The following NFIA variants were observed in gnomAD, a reference collection of about 807,000 sequenced individuals.
NFIA encodes nuclear factor 1 A-type.
A neutral mutation model predicts 62.8 loss-of-function variants in NFIA; 8 were observed. The observed-to-expected ratio is 0.13, with a 90% confidence interval of 0.07 to 0.23. The LOEUF (loss-of-function observed/expected upper bound fraction) is 0.23. NFIA is among the 10% of genes least tolerant of loss of function. The pLI is 1.00. For synonymous variants in NFIA, 235 were observed against 238.1 expected (o/e 0.99, Z 0.12); for missense variants, 410 against 642.1 (o/e 0.64, Z 3.91).
chr1:61,210,980 C>T (rs548559749), intron 2 of NFIA, among the ~76,000 whole-genome samples: 2 of 152,328 alleles, frequency 1.3e-5, no homozygotes, highest in East Asian at 1.9e-4. Context: ...CATCATTTCA[C>T]ATTTTTCATG....
At chr1:61,286,445 T>A (rs12742161) in intron 3 of NFIA, among the ~76,000 whole-genome samples, 30,483 of 135,672 alleles carry the variant, frequency 0.22, 3,537 homozygotes, top group Middle Eastern at 0.31. Flanking sequence ...AAAAAAAAAA[T>A]AGAATTGCTG....
At chr1:61,343,527 C>A (rs192016040) in intron 4 of NFIA, among the ~76,000 whole-genome samples, 45 of 152,260 alleles carry the variant, frequency 3.0e-4, no homozygotes, top group Admixed American at 1.4e-3. Flanking sequence ...GCTTTTGTCA[C>A]CTAATAGTAC....
At chr1:61,317,017 A>G (rs1444593068) in intron 3 of NFIA, among the ~76,000 whole-genome samples, 6 of 152,194 alleles carry the variant, frequency 3.9e-5, no homozygotes, top group African/African-American at 1.4e-4. Context: ...GTACTTTCAC[A>G]TCTAAAAAAA....
intron 6 of NFIA, among the ~76,000 whole-genome samples, chr1:61,378,389 G>GT (rs1405303800): frequency 6.6e-6 from 1 of 152,078 alleles, no homozygotes; most frequent in African/African-American, 2.4e-5. Flanking sequence ...ACGTCTTACC[G>GT]TTTTCTCTAG....
In NFIA at chr1:61,385,379, A is replaced by C. The variant is rs540893300; in HGVS notation, c.1075+2014A>C. Among the ~76,000 whole-genome samples, 3 of 152,354 alleles carry C rather than the reference A, an allele frequency of 2.0e-5. No homozygotes were observed. The South Asian group carries it at 6.2e-4, about 32-fold the overall frequency. ...GAACTGAGAAGAACAGTATGCCAGCAATCAGGAGAGCTGGGTAGGCTCCCT... is the reference window on the plus strand; with the variant it reads ...GAACTGAGAAGAACAGTATGCCAGCCATCAGGAGAGCTGGGTAGGCTCCCT... On this transcript the variant is annotated intron_variant, in intron 7 of 10. Coordinates refer to ENST00000403491, the MANE Select transcript of NFIA (RefSeq NM_001134673.4).
rs1004785979 is a variant in NFIA at position 61,082,776 on chromosome 1, C to T, written c.-16C>T. The T allele has an allele frequency of 2.6e-6, 4 of 1,553,022 alleles. No homozygotes were observed. Among genetic ancestry groups the T allele is most frequent in the Non-Finnish European group, 3.5e-6 (4 of 1,147,774 alleles). ...GCACACCCAGACGCACACGCATACC[C>T]CAGCGCCCGGCAGTTATGTATTCTC... On this transcript the variant is annotated 5_prime_UTR_variant, in exon 1 of 11. Coordinates refer to ENST00000403491, the MANE Select transcript of NFIA (RefSeq NM_001134673.4).
intron 4 of NFIA, among the ~76,000 whole-genome samples, chr1:61,332,944 A>G (rs530125193): frequency 6.6e-6 from 1 of 152,202 alleles, no homozygotes; most frequent in African/African-American, 2.4e-5. Context: ...GTTTGTCAAT[A>G]ATCACTAACA....
chr1:61,105,512 C>T (rs1305567443), intron 2 of NFIA, among the ~76,000 whole-genome samples: 2 of 151,802 alleles, frequency 1.3e-5, no homozygotes, highest in African/African-American at 4.8e-5. Context: ...GAAATGAATT[C>T]ATGGCCTTTC....
At position 61,319,790 on chromosome 1, in the gene NFIA, A is replaced by AACACACACACACACACACACAC. The variant is rs58845526; in HGVS notation, c.626-12697_626-12676dup. On this transcript the variant is annotated intron_variant, in intron 3 of 10. Transcript: ENST00000403491. Reference sequence around the variant, plus strand: ...CAATGATTTCTTCCTGGAAGAATTAAACACACACACACACACACACACACA... The same window carrying AACACACACACACACACACACAC: ...CAATGATTTCTTCCTGGAAGAATTAAACACACACACACACACACACACACACACACACACACACACACACACA... Among the ~76,000 whole-genome samples the AACACACACACACACACACACAC allele has an allele frequency of 3.1e-3, 428 of 139,580 alleles. 10 individuals carry two copies. Among genetic ancestry groups the AACACACACACACACACACACAC allele is most frequent in the African/African-American group, 0.011 (396 of 35,552 alleles). The allele number at this position is 139,580 out of a possible 152,430, so 91.6% of individuals were successfully genotyped here. A position where few individuals can be genotyped will look rare whatever the true frequency, so the allele number is the denominator to read the frequency against.
intron 3 of NFIA, among the ~76,000 whole-genome samples, chr1:61,288,888 C>G (rs150795471): frequency 6.6e-6 from 1 of 152,266 alleles, no homozygotes; most frequent in Non-Finnish European, 1.5e-5. Flanking sequence ...CCACCTCAGC[C>G]TACCAAATAG....
intron 2 of NFIA, among the ~76,000 whole-genome samples, chr1:61,229,446 TGCTCTAGGTAA>T (rs1654533733): frequency 1.3e-5 from 2 of 152,322 alleles, no homozygotes; most frequent in South Asian, 4.1e-4. Context: ...ACATCATTGT[TGCTCTAGGTAA>T]GATCTTAGGA....
At chr1:61,453,788 G>A (rs149575002) in intron 10 of NFIA, among the ~76,000 whole-genome samples, 3 of 152,304 alleles carry the variant, frequency 2.0e-5, no homozygotes, top group African/African-American at 4.8e-5. Context: ...TTTGGGGTTT[G>A]CTTTCTCTCT....
chr1:61,099,620 C>T lies in NFIA; in HGVS notation c.559+10940C>T, dbSNP rs145938729. Among the ~76,000 whole-genome samples, 6 of 152,134 alleles carry T rather than the reference C, an allele frequency of 3.9e-5. No homozygotes were observed. In the East Asian group the frequency reaches 7.7e-4, roughly 20 times the overall value. On this transcript the variant is annotated intron_variant, in intron 2 of 10. Transcript: ENST00000403491. ...GTTTTGGAGAATTTTTCATGTTGGG[C>T]GGTGTTGGAGAAGTAGAGATTGTAG...
chr1:61,151,808 G>C (rs1486514007), intron 2 of NFIA, among the ~76,000 whole-genome samples: 4 of 152,116 alleles, frequency 2.6e-5, no homozygotes, highest in East Asian at 3.9e-4. Flanking sequence ...TGATGAGTTA[G>C]ACCACCCAGG....
Position 61,232,843 on chromosome 1 carries a change from T to G in NFIA, c.560-44677T>G, listed in dbSNP as rs190685016. Among the ~76,000 whole-genome samples the G allele has an allele frequency of 2.3e-3, 344 of 152,310 alleles. 1 individual carries two copies. The highest frequency in any genetic ancestry group is 7.9e-3 in the African/African-American group (327 of 41,586). On this transcript the variant is annotated intron_variant, in intron 2 of 10. Coordinates refer to ENST00000403491, the MANE Select transcript of NFIA (RefSeq NM_001134673.4). ...AGCTCCATCTCCAAGAAACTCTCTGTGGGTACTTACGTCACCCCAAGTTTA... is the reference window on the plus strand; with the variant it reads ...AGCTCCATCTCCAAGAAACTCTCTGGGGGTACTTACGTCACCCCAAGTTTA...
chr1:61,416,857 C>T (rs1666370516), intron 9 of NFIA, among the ~76,000 whole-genome samples: 1 of 152,088 alleles, frequency 6.6e-6, no homozygotes, highest in African/African-American at 2.4e-5. Context: ...AGGACACATA[C>T]TATGTTTAGA....
intron 2 of NFIA, among the ~76,000 whole-genome samples, chr1:61,163,456 A>G (rs1175743622): frequency 6.6e-6 from 1 of 152,280 alleles, no homozygotes; most frequent in East Asian, 1.9e-4. Flanking sequence ...TAAAGGATTA[A>G]ACATCATGGT....
At chr1:61,364,482 T>G (rs1663477892) in intron 6 of NFIA, among the ~76,000 whole-genome samples, 2 of 152,206 alleles carry the variant, frequency 1.3e-5, no homozygotes, top group South Asian at 2.1e-4. Flanking sequence ...GAATTGGTGT[T>G]TACTACACTT....
At position 61,283,160 on chromosome 1, in the gene NFIA, C is replaced by T. The variant is rs148355793; in HGVS notation, c.625+5575C>T. Among the ~76,000 whole-genome samples, 21 of 152,296 alleles carry T rather than the reference C, an allele frequency of 1.4e-4. No homozygotes were observed. In the East Asian group the frequency reaches 4.0e-3, roughly 29 times the overall value. Reference sequence around the variant, plus strand: ...TCATTGTTAAATGTTGCTAGGTGAACAAGGAATGTACTTCTTTTCATCCGT... The same window carrying T: ...TCATTGTTAAATGTTGCTAGGTGAATAAGGAATGTACTTCTTTTCATCCGT... On this transcript the variant is annotated intron_variant, in intron 3 of 10. Transcript: ENST00000403491.
Sources: allele counts gnomAD v4.1 joint callset (sites outside exome capture counted in the v4.1 genomes callset), GRCh38; gene constraint gnomAD v4.1.1; transcripts MANE v1.5; gene names NCBI Gene and HGNC (gene_info 2026-07-23, HGNC 2026-07-21).